Variants in NAALADL2 observed in about 807,000 individuals in gnomAD.
NAALADL2 encodes the protein N-acetylated alpha-linked acidic dipeptidase like 2, also known as inactive N-acetylated-alpha-linked acidic dipeptidase-like protein 2.
In NAALADL2, 76 loss-of-function variants were observed where a neutral mutation model predicts 87.2. That is an observed-to-expected ratio of 0.87 (90% confidence interval 0.72 to 1.05). The LOEUF is 1.05. Ranked by LOEUF, NAALADL2 falls within the 50% of genes least tolerant of loss-of-function variation. The pLI, the probability that NAALADL2 is intolerant of heterozygous loss-of-function variation, is 0.00. For synonymous variants in NAALADL2, 354 were observed against 331.0 expected (o/e 1.07, Z -0.75); for missense variants, 1,089 against 945.8 (o/e 1.15, Z -1.99).
chr3:175,161,584 A>G (rs1733221873), intron 2 of NAALADL2, among the ~76,000 whole-genome samples: 1 of 152,152 alleles, frequency 6.6e-6, no homozygotes, highest in Admixed American at 6.6e-5. Flanking sequence ...TAGTAGATAT[A>G]GAGTCTGTTT....
intron 3 of NAALADL2, among the ~76,000 whole-genome samples, chr3:174,751,565 A>G (rs1734816788): frequency 6.6e-6 from 1 of 150,824 alleles, no homozygotes; most frequent in African/African-American, 2.4e-5. Flanking sequence ...CGGGTGGCTG[A>G]GGCAGGAGAA....
At chr3:175,191,367 TG>T (rs1738179216) in intron 2 of NAALADL2, among the ~76,000 whole-genome samples, 6 of 152,334 alleles carry the variant, frequency 3.9e-5, no homozygotes, top group Admixed American at 2.0e-4. Flanking sequence ...TGAGCCTTTA[TG>T]GAAGGCATCA....
chr3:175,786,040 C>T (rs1283184356), intron 13 of NAALADL2, among the ~76,000 whole-genome samples: 1 of 152,138 alleles, frequency 6.6e-6, no homozygotes, highest in African/African-American at 2.4e-5. Context: ...CCACTCTCTT[C>T]TGGCTTGTAG....
At chr3:175,000,297 A>G (rs535759790) in intron 1 of NAALADL2, among the ~76,000 whole-genome samples, 1 of 152,328 alleles carries the variant, frequency 6.6e-6, no homozygotes, top group South Asian at 2.1e-4. Context: ...ATGCAAGTCT[A>G]TGCTCAGCCT....
At chr3:175,737,491 C>G (rs1251246000) in intron 12 of NAALADL2, 92 bp downstream of exon 12, 3 of 781,092 alleles carry the variant, frequency 3.8e-6, no homozygotes, top group Non-Finnish European at 6.6e-6. Context: ...AATGATCTTA[C>G]TAGCCATGGC....
chr3:175,726,087 A>T (rs956851997), intron 11 of NAALADL2, among the ~76,000 whole-genome samples: 1 of 152,154 alleles, frequency 6.6e-6, no homozygotes, highest in African/African-American at 2.4e-5. Flanking sequence ...AGCAGAAAAC[A>T]CAAATATATT....
At chr3:175,006,927 T>C (rs1235609817) in intron 1 of NAALADL2, among the ~76,000 whole-genome samples, 1 of 151,596 alleles carries the variant, frequency 6.6e-6, no homozygotes, top group Non-Finnish European at 1.5e-5. Flanking sequence ...TACAAGTTCC[T>C]TTATAAGTCT....
chr3:175,408,791 T>A (rs375138662), intron 5 of NAALADL2, among the ~76,000 whole-genome samples: 1 of 152,026 alleles, frequency 6.6e-6, no homozygotes, highest in African/African-American at 2.4e-5. Context: ...CTTATTTGAA[T>A]GAATTACTGT....
chr3:174,621,743 T>A (rs1721021623), intron 2 of NAALADL2, among the ~76,000 whole-genome samples: 1 of 152,092 alleles, frequency 6.6e-6, no homozygotes, highest in African/African-American at 2.4e-5. Context: ...AATGAGACAA[T>A]CCAGGCAAAA....
intron 5 of NAALADL2, among the ~76,000 whole-genome samples, chr3:175,342,433 T>C (rs950304711): frequency 2.0e-5 from 3 of 152,000 alleles, no homozygotes; most frequent in Non-Finnish European, 2.9e-5. Context: ...GTGAGCATTA[T>C]TAAAGTTGAT....
At chr3:175,052,630 G>A (rs141376484) in intron 1 of NAALADL2, among the ~76,000 whole-genome samples, 2 of 152,266 alleles carry the variant, frequency 1.3e-5, no homozygotes, top group East Asian at 1.9e-4. Context: ...TCCAGTTCCT[G>A]GCATTAAGGT....
chr3:174,461,820 C>T (rs1271233385), intron 1 of NAALADL2, among the ~76,000 whole-genome samples: 2 of 151,860 alleles, frequency 1.3e-5, no homozygotes, highest in Admixed American at 6.6e-5. Flanking sequence ...CTCTTTATTC[C>T]CTCCCACACT....
At position 175,324,330 on chromosome 3, in the gene NAALADL2, G is replaced by A. The variant is rs1416977388; in HGVS notation, c.1090+5G>A. On this transcript the variant is annotated splice_donor_5th_base_variant and intron_variant, in intron 5 of 13. Coordinates refer to ENST00000454872, the MANE Select transcript of NAALADL2 (RefSeq NM_207015.3). ...CGCCTGGTTACCCAAGTGTCGGTAA[G>A]TTTGTTGGTCATCATTATTATACTT... The A allele has an allele frequency of 6.2e-7, 1 of 1,607,472 alleles. No homozygotes were observed. Among genetic ancestry groups the A allele is most frequent in the Non-Finnish European group, 8.5e-7 (1 of 1,177,662 alleles).
chr3:174,465,957 A>T (rs1459109521), intron 1 of NAALADL2, among the ~76,000 whole-genome samples: 1 of 152,190 alleles, frequency 6.6e-6, no homozygotes, highest in African/African-American at 2.4e-5. Context: ...CAACAGTTAC[A>T]CTGGCTTAAA....
At chr3:174,930,482 T>C (rs1344513816) in intron 1 of NAALADL2, among the ~76,000 whole-genome samples, 2 of 151,876 alleles carry the variant, frequency 1.3e-5, no homozygotes, top group Non-Finnish European at 2.9e-5. Flanking sequence ...ACCTTAAAGA[T>C]AGCCTTAAAC....
intron 5 of NAALADL2, among the ~76,000 whole-genome samples, chr3:175,329,793 T>C (rs1761181103): frequency 6.6e-6 from 1 of 152,344 alleles, no homozygotes; most frequent in Admixed American, 6.5e-5. Context: ...TCTGAAAGTT[T>C]ATTCATAACA....
chr3:175,045,894 G>GGAA (rs1754606827), intron 1 of NAALADL2, among the ~76,000 whole-genome samples: 1 of 151,934 alleles, frequency 6.6e-6, no homozygotes, highest in African/African-American at 2.4e-5. Context: ...TTTACTATTC[G>GGAA]AGTATTCTTG....
intron 10 of NAALADL2, among the ~76,000 whole-genome samples, chr3:175,595,056 C>T (rs1246539529): frequency 6.6e-6 from 1 of 151,916 alleles, no homozygotes; most frequent in African/African-American, 2.4e-5. Context: ...GGGGACATAG[C>T]CAAAAATTCT....
chr3:175,132,586 C>T lies in NAALADL2; in HGVS notation c.545+35295C>T, dbSNP rs1337594884. ...CTGACCCCCCCACCTCCCTCCCAGA[C>T]GGGGCGGCTGGCCGGGCAGGGGGCT... On this transcript the variant is annotated intron_variant, in intron 2 of 13. Transcript: ENST00000454872. Among the ~76,000 whole-genome samples, 3 of 107,710 alleles carry T rather than the reference C, an allele frequency of 2.8e-5. No homozygotes were observed. In the East Asian group the frequency reaches 1.2e-3, roughly 42 times the overall value. The allele number at this position is 107,710 out of a possible 152,430, so 70.7% of individuals were successfully genotyped here.
Sources: gnomAD v4.1 joint callset for allele counts (sites outside exome capture counted in the v4.1 genomes callset) on GRCh38, gnomAD v4.1.1 for gene constraint, MANE v1.5 for transcripts, NCBI Gene and HGNC (gene_info 2026-07-23, HGNC 2026-07-21) for gene names.